LARP4B: variants seen among roughly 807,000 people sequenced by gnomAD.
LARP4B encodes la-related protein 4B.
A neutral mutation model predicts 89.8 loss-of-function variants in LARP4B; 12 were observed. The ratio of observed to expected loss-of-function variants is 0.13; its 90% confidence interval spans 0.09 to 0.22. The LOEUF (loss-of-function observed/expected upper bound fraction) is 0.22. Among genes scored for constraint, LARP4B ranks in the 10% least tolerant of loss-of-function variants. LARP4B has a pLI of 1.00. For missense variants in LARP4B, 757 were observed against 947.7 expected (o/e 0.80, Z 2.64); for synonymous variants, 367 against 363.3 (o/e 1.01, Z -0.12).
chr10:825,790 A>G lies in LARP4B; in HGVS notation c.1206T>C (p.Ser402=). The change falls in exon 12 of 18, where the codon TCT becomes TCC. Residue 402 remains serine (S), a synonymous_variant. Transcript: ENST00000316157. ...TGCTTCGAGGAGGATACTGTCTGAG[A>G]GAAGTCAGAGGAGACGCCGCAGGCT... ...AFKPAASPLT[S]LRQYPPRSRN... is the part of the protein sequence containing the mutation. 2 of 1,613,894 alleles carry G rather than the reference A, an allele frequency of 1.2e-6. No homozygotes were observed. The highest frequency in any genetic ancestry group is 2.2e-5 in the South Asian group (2 of 90,966).
At chr10:855,607 C>T (rs1293526958) in intron 5 of LARP4B, among the ~76,000 whole-genome samples, 3 of 151,848 alleles carry the variant, frequency 2.0e-5, no homozygotes, top group African/African-American at 4.8e-5. Flanking sequence ...GGCAGTAGTA[C>T]AAAACACCAA....
At chr10:923,935 C>CAT (rs1231511493) in intron 1 of LARP4B, among the ~76,000 whole-genome samples, 3 of 152,270 alleles carry the variant, frequency 2.0e-5, no homozygotes, top group East Asian at 1.9e-4. Flanking sequence ...AAATTTAAGA[C>CAT]ATATTTTATA....
rs539177865 is a variant in LARP4B, at chr10:815,316, G to A, written c.1696-246C>T. The A allele has an allele frequency of 4.8e-5, 16 of 330,206 alleles. No homozygotes were observed. In the Admixed American group the frequency reaches 6.9e-4, roughly 14 times the overall value. The allele number at this position is 330,206 out of a possible 1,614,324, so 20.5% of individuals were successfully genotyped here. On this transcript the variant is annotated intron_variant, in intron 15 of 17. Coordinates refer to ENST00000316157, the MANE Select transcript of LARP4B (RefSeq NM_015155.3). The stretch of plus-strand genomic sequence containing the variant: ...ATCACAGGCCCTTATCTCCTCTCCC[G>A]CAATGATGATCTACAAGCTTATTTC...
At chr10:855,492 A>C (rs569069146) in intron 5 of LARP4B, among the ~76,000 whole-genome samples, 2 of 152,254 alleles carry the variant, frequency 1.3e-5, no homozygotes, top group Admixed American at 1.3e-4. Flanking sequence ...AAAGAGAGAG[A>C]GAGACAAGGG....
At chr10:825,380 T>C in intron 12 of LARP4B, 64 bp from the exon 13 acceptor site, 1 of 1,509,152 alleles carries the variant, frequency 6.6e-7, no homozygotes. Context: ...ATAACATGCA[T>C]ACTGACATGG....
chr10:969,367 C>A, the LARP4B span, among the ~76,000 whole-genome samples: 1 of 152,114 alleles, frequency 6.6e-6, no homozygotes, highest in Non-Finnish European at 1.5e-5. Context: ...GACAAGGGCT[C>A]TTCTTGACTT....
chr10:905,748 G>A (rs894567084), intron 1 of LARP4B, among the ~76,000 whole-genome samples: 17 of 152,064 alleles, frequency 1.1e-4, no homozygotes, highest in African/African-American at 1.7e-4. Context: ...AGGACTGGAC[G>A]TCCTCCTGGC....
Position 813,170 on chromosome 10 carries a change from C to T in LARP4B, c.1973G>A (p.Ser658Asn), listed in dbSNP as rs925305775. ...PSYAEICQRT[S>N]KEPPSSPLQP... ...CAATGGGGAAGAAGGAGGCTCTTTA[C>T]TCGTTCTCTGACAAATCTCTGCGTA... Residue 658 changes from serine to asparagine, a missense_variant, in exon 18 of 18, where the codon AGT (serine) becomes AAT (asparagine). By Grantham distance (46) the Ser-to-Asn change is conservative. This residue lies in a region of LARP4B where 387 missense variants were observed against 423.6 expected (regional missense o/e 0.91). Transcript: ENST00000316157. 1.2e-6 allele frequency: 2 copies of T among 1,613,656 alleles called. No homozygotes were observed. The highest frequency in any genetic ancestry group is 8.5e-7 in the Non-Finnish European group (1 of 1,179,920).
chr10:857,680 T>C (rs1834379103), intron 5 of LARP4B, among the ~76,000 whole-genome samples: 2 of 152,300 alleles, frequency 1.3e-5, no homozygotes, highest in East Asian at 3.9e-4. Context: ...TAAGGGGCTT[T>C]TGTCATCTCA....
intron 3 of LARP4B, among the ~76,000 whole-genome samples, chr10:872,334 G>T (rs1031575410): frequency 1.3e-5 from 2 of 152,172 alleles, no homozygotes; most frequent in African/African-American, 4.8e-5. Flanking sequence ...TCCTGCCGTG[G>T]CTCTGGCTCG....
intron 1 of LARP4B, among the ~76,000 whole-genome samples, chr10:929,047 C>A (rs1264936232): frequency 6.6e-6 from 1 of 152,172 alleles, no homozygotes; most frequent in Non-Finnish European, 1.5e-5. Context: ...AACCAAATTA[C>A]ATTTCTCCCT....
At chr10:866,869 T>C (rs866788167) in intron 3 of LARP4B, among the ~76,000 whole-genome samples, 1 of 152,240 alleles carries the variant, frequency 6.6e-6, no homozygotes, top group Non-Finnish European at 1.5e-5. Flanking sequence ...AGTGACAGCA[T>C]GGCTGTTGGG....
chr10:974,493 G>A, the LARP4B span, among the ~76,000 whole-genome samples: 4 of 152,242 alleles, frequency 2.6e-5, no homozygotes, highest in East Asian at 1.9e-4. Flanking sequence ...TCCGGGCCTC[G>A]GTTTCCTTAT....
At chr10:983,343 A>G in the LARP4B span, among the ~76,000 whole-genome samples, 1 of 152,334 alleles carries the variant, frequency 6.6e-6, no homozygotes, top group South Asian at 2.1e-4. Context: ...TGCTCCCTCA[A>G]TGACCATCCT....
At chr10:939,359 G>T in the LARP4B span, among the ~76,000 whole-genome samples, 1 of 152,336 alleles carries the variant, frequency 6.6e-6, no homozygotes, top group Admixed American at 6.5e-5. Flanking sequence ...ATTTTGGAAA[G>T]ACCCTCTCTA....
intron 1 of LARP4B, among the ~76,000 whole-genome samples, chr10:901,836 GA>G (rs1836353106): frequency 6.6e-6 from 1 of 152,100 alleles, no homozygotes; most frequent in East Asian, 1.9e-4. Flanking sequence ...GAGAAAATGT[GA>G]GTTTTATTTA....
intron 1 of LARP4B, among the ~76,000 whole-genome samples, chr10:897,975 G>C (rs1207367088): frequency 1.6e-5 from 2 of 121,418 alleles, no homozygotes; most frequent in Non-Finnish European, 3.2e-5. Context: ...GCGACAAAGC[G>C]AGGCTCCATC....
chr10:965,025 C>T, the LARP4B span, among the ~76,000 whole-genome samples: 5 of 152,240 alleles, frequency 3.3e-5, no homozygotes, highest in Non-Finnish European at 7.3e-5. Context: ...CTGCCTTGCA[C>T]GCTGAGGCCC....
chr10:939,457 G>A, the LARP4B span, among the ~76,000 whole-genome samples: 3 of 152,222 alleles, frequency 2.0e-5, no homozygotes, highest in East Asian at 5.8e-4. Flanking sequence ...GGCCTAGGCT[G>A]CCCTGAAACG....
Sources: allele counts gnomAD v4.1 joint callset (sites outside exome capture counted in the v4.1 genomes callset), GRCh38; gene constraint gnomAD v4.1.1; regional missense constraint gnomAD v4.1.1; transcripts MANE v1.5; gene names NCBI Gene and HGNC (gene_info 2026-07-23, HGNC 2026-07-21).